The following TTC7A variants were observed in gnomAD, a reference collection of about 807,000 sequenced individuals.
TTC7A encodes tetratricopeptide repeat domain 7A.
TTC7A carries 110 observed loss-of-function variants against 103.7 expected under a neutral mutation model. That is an observed-to-expected ratio of 1.06 (90% confidence interval 0.91 to 1.24). The LOEUF is 1.24. TTC7A is among the 50% of genes most tolerant of loss of function. The pLI, the probability that TTC7A is intolerant of heterozygous loss-of-function variation, is 0.00. For missense variants in TTC7A, 1,340 were observed against 1,116.3 expected (o/e 1.20, Z -2.86); for synonymous variants, 521 against 467.9 (o/e 1.11, Z -1.47).
At chr2:46,970,465 T>C (rs968408226) in intron 3 of TTC7A, among the ~76,000 whole-genome samples, 1 of 152,220 alleles carries the variant, frequency 6.6e-6, no homozygotes, top group Non-Finnish European at 1.5e-5. Flanking sequence ...GGCTGGCAGC[T>C]TGAACTAGCC....
At chr2:46,932,525 T>C (rs1669759055) in intron 2 of TTC7A, among the ~76,000 whole-genome samples, 1 of 152,246 alleles carries the variant, frequency 6.6e-6, no homozygotes, top group Middle Eastern at 3.4e-3. Flanking sequence ...GCACTTTCTT[T>C]TGTGTTATTT....
chr2:47,014,049 A>G (rs1572908399), intron 11 of TTC7A, among the ~76,000 whole-genome samples: 4 of 152,134 alleles, frequency 2.6e-5, no homozygotes, highest in South Asian at 4.1e-4. Flanking sequence ...GAGTGCAGGA[A>G]TTATCTGTCT....
intron 15 of TTC7A, among the ~76,000 whole-genome samples, chr2:47,041,795 C>G (rs1681780320): frequency 6.6e-6 from 1 of 151,358 alleles, no homozygotes. Flanking sequence ...CTATTAAACT[C>G]TTAAGCCTAG....
At chr2:46,943,106 A>G (rs1237438048) in intron 1 of TTC7A, among the ~76,000 whole-genome samples, 2 of 152,106 alleles carry the variant, frequency 1.3e-5, no homozygotes, top group South Asian at 2.1e-4. Flanking sequence ...GGGTTTCGCC[A>G]TGTTGCCCAG....
rs571788452 is a variant in TTC7A at position 46,929,067 on chromosome 2, G to A, written c.82+11790G>A. 2.6e-5 allele frequency among the ~76,000 whole-genome samples: 4 copies of A among 152,138 alleles called. No individual in the cohort carries two copies. The South Asian group carries it at 8.3e-4, about 31-fold the overall frequency. On this transcript the variant is annotated intron_variant, in intron 2 of 20. Coordinates refer to the TTC7A transcript ENST00000409245. Reference sequence around the variant, plus strand: ...AATCTCAGCTGTTTGGTAGGTTGAGGTGGGAGAATCGCTTGAACCTGGAAG... The same window carrying A: ...AATCTCAGCTGTTTGGTAGGTTGAGATGGGAGAATCGCTTGAACCTGGAAG...
At chr2:47,070,729 G>C (rs796131529) in intron 19 of TTC7A, among the ~76,000 whole-genome samples, 32 of 152,296 alleles carry the variant, frequency 2.1e-4, no homozygotes, top group African/African-American at 7.2e-4. Flanking sequence ...AGGGTCCTGA[G>C]GTGGGAATTT....
chr2:46,916,837 G>A (rs533758343), intron 1 of TTC7A, among the ~76,000 whole-genome samples: 1 of 152,060 alleles, frequency 6.6e-6, no homozygotes, highest in African/African-American at 2.4e-5. Flanking sequence ...GTTTCACCGT[G>A]TTGGCCAGGC....
At chr2:46,966,962 C>T (rs570789448) in intron 3 of TTC7A, among the ~76,000 whole-genome samples, 1 of 151,792 alleles carries the variant, frequency 6.6e-6, no homozygotes, top group African/African-American at 2.4e-5. Flanking sequence ...CCTATAATCC[C>T]AGTACTTTGG....
chr2:46,945,224 G>T (rs1326427943), intron 1 of TTC7A, among the ~76,000 whole-genome samples: 1 of 152,056 alleles, frequency 6.6e-6, no homozygotes, highest in African/African-American at 2.4e-5. Context: ...CTCCCAAATG[G>T]CTGGGATCAC....
At chr2:46,958,583 G>A in intron 3 of TTC7A, 2 of 1,294,862 alleles carry the variant, frequency 1.5e-6, no homozygotes, top group Non-Finnish European at 2.0e-6. Context: ...GGCGCGGGCT[G>A]CTTGGTCTCA....
intron 15 of TTC7A, 150 bp from the exon 16 acceptor site, chr2:47,046,164 CA>C: frequency 3.0e-6 from 2 of 658,860 alleles, no homozygotes; most frequent in South Asian, 3.6e-5. Flanking sequence ...GCAAGCGGTC[CA>C]GGGGCATGGC....
At chr2:47,042,455 T>A (rs77111777) in intron 15 of TTC7A, among the ~76,000 whole-genome samples, 2,855 of 152,094 alleles carry the variant, frequency 0.019, 98 homozygotes, top group African/African-American at 0.066. Context: ...TGAGCTATGA[T>A]CACGTCACTG....
intron 2 of TTC7A, among the ~76,000 whole-genome samples, chr2:46,954,566 C>CTTTTTT (rs35548270): frequency 3.3e-5 from 4 of 121,296 alleles, no homozygotes; most frequent in African/African-American, 1.4e-4. Context: ...AACTAAGAGC[C>CTTTTTT]TTTTTTTTTT....
At position 47,046,465 on chromosome 2, in the gene TTC7A, AGGGTGGTTGCCAGG is replaced by A. The variant is rs779027459; in HGVS notation, c.1919+36_1919+49del. ...CCGTCATTGTCTCTTGGGTTGCCAG[AGGGTGGTTGCCAGG>A]GCAACAATCCACAGCTGGGTGGCCA... On this transcript the variant is annotated intron_variant, in intron 16 of 19. Coordinates refer to ENST00000319190, the MANE Select transcript of TTC7A (RefSeq NM_020458.4). The A allele has an allele frequency of 3.2e-6, 5 of 1,577,326 alleles. No individual in the cohort carries two copies. In the Admixed American group the frequency reaches 8.4e-5, roughly 26 times the overall value.
chr2:47,056,470 C>T (rs920374972), intron 18 of TTC7A, among the ~76,000 whole-genome samples: 1 of 152,206 alleles, frequency 6.6e-6, no homozygotes, highest in Admixed American at 6.5e-5. Context: ...GTACCCTGCT[C>T]ATTAGCACAG....
chr2:47,015,210 C>G (rs1042370921), intron 11 of TTC7A, among the ~76,000 whole-genome samples: 1 of 152,224 alleles, frequency 6.6e-6, no homozygotes, highest in Non-Finnish European at 1.5e-5. Context: ...TGCCAGGGTC[C>G]CTATTTTTGC....
upstream of TTC7A, among the ~76,000 whole-genome samples, chr2:46,940,772 T>A (rs1413303875): frequency 6.6e-6 from 1 of 152,182 alleles, no homozygotes; most frequent in Admixed American, 6.5e-5. This position sits in a 1 kb window ranked among gnomAD's most constrained non-coding sequence, Gnocchi z 4.7. Flanking sequence ...CGAGCATGCC[T>A]GGCCCGCATC....
At chr2:46,972,099 T>C (rs1673414966) in intron 3 of TTC7A, among the ~76,000 whole-genome samples, 1 of 152,128 alleles carries the variant, frequency 6.6e-6, no homozygotes, top group Admixed American at 6.5e-5. Context: ...GTACTCCGTC[T>C]CTTTAAGAAT....
In TTC7A at chr2:47,012,174, T is replaced by C. The variant is rs1052021618; in HGVS notation, c.1392+739T>C. On this transcript the variant is annotated intron_variant, in intron 11 of 19. Coordinates refer to ENST00000319190, the MANE Select transcript of TTC7A (RefSeq NM_020458.4). ...TGCTGCTCCAGGCCTATGGGGGCTC[T>C]TGGGCCACGGCACTGGGCCCCAGCA... is the stretch of plus-strand genomic sequence containing the variant. 9.9e-5 allele frequency among the ~76,000 whole-genome samples: 15 copies of C among 152,228 alleles called. 1 individual carries two copies. The highest frequency in any genetic ancestry group is 7.2e-4 in the Admixed American group (11 of 15,288).
Sources: gnomAD v4.1 joint callset for allele counts (sites outside exome capture counted in the v4.1 genomes callset) on GRCh38, gnomAD v4.1.1 for gene constraint, Gnocchi (gnomAD v3.1) non-coding constraint, MANE v1.5 for transcripts, NCBI Gene and HGNC (gene_info 2026-07-23, HGNC 2026-07-21) for gene names.